Variants in GRAMD1C observed in about 807,000 individuals in gnomAD.
The protein encoded by GRAMD1C is GRAM domain containing 1C.
A neutral mutation model predicts 97.8 loss-of-function variants in GRAMD1C; 89 were observed. The ratio of observed to expected loss-of-function variants is 0.91; its 90% CI spans 0.77 to 1.09. The LOEUF is 1.09. Among genes scored for constraint, GRAMD1C ranks in the 50% least tolerant of loss-of-function variants. The pLI, the probability that GRAMD1C is intolerant of heterozygous loss-of-function variation, is 0.00. For synonymous variants in GRAMD1C, 256 were observed against 267.0 expected (o/e 0.96, Z 0.40); for missense variants, 740 against 766.4 (o/e 0.97, Z 0.41).
At chr3:113,894,503 G>C (rs1265215733) in intron 6 of GRAMD1C, among the ~76,000 whole-genome samples, 2 of 151,924 alleles carry the variant, frequency 1.3e-5, no homozygotes, top group Non-Finnish European at 2.9e-5. Flanking sequence ...GGTCTCGAAC[G>C]CCTGACCTCA....
At chr3:113,891,041 A>C (rs558811423) in intron 6 of GRAMD1C, 1 of 345,686 alleles carries the variant, frequency 2.9e-6, no homozygotes, top group South Asian at 8.2e-5. Flanking sequence ...CCATTTTCAC[A>C]GTAGTTATAC....
intron 10 of GRAMD1C, among the ~76,000 whole-genome samples, chr3:113,921,429 C>T (rs566217111): frequency 8.5e-5 from 13 of 152,316 alleles, no homozygotes; most frequent in African/African-American, 3.1e-4. Context: ...TATACTTGTG[C>T]ATGTGTCTTT....
intron 1 of GRAMD1C, among the ~76,000 whole-genome samples, chr3:113,843,061 T>TTG (rs1933430790): frequency 7.0e-6 from 1 of 142,600 alleles, no homozygotes; most frequent in African/African-American, 2.6e-5. Flanking sequence ...TTTTTTTTTT[T>TTG]TTTTTTTTTT....
Position 113,906,689 on chromosome 3 carries a change from G to A in GRAMD1C, c.790-2269G>A, listed in dbSNP as rs567827158. 7.3e-4 allele frequency among the ~76,000 whole-genome samples: 111 copies of A among 151,972 alleles called. No individual in the cohort carries two copies. In the South Asian group the frequency reaches 0.012, roughly 17 times the overall value. On this transcript the variant is annotated intron_variant, in intron 8 of 17. Coordinates refer to ENST00000358160, the MANE Select transcript of GRAMD1C (RefSeq NM_017577.5). ...TAAATCTATTGTAGCCTAAGTGTAC[G>A]ATGTTTATAAAGTCTGCAGTAGTGT...
chr3:113,943,800 G>A (rs983433262), intron 17 of GRAMD1C, among the ~76,000 whole-genome samples: 1 of 152,308 alleles, frequency 6.6e-6, no homozygotes, highest in African/African-American at 2.4e-5. Context: ...TGTAGTCCCA[G>A]CTACTCGGGA....
At chr3:113,928,152 G>C (rs549858304) in intron 10 of GRAMD1C, among the ~76,000 whole-genome samples, 4 of 152,270 alleles carry the variant, frequency 2.6e-5, no homozygotes, top group Admixed American at 2.6e-4. Flanking sequence ...CCGCTGCCCA[G>C]CTTTGCTCCT....
rs149609680 is a variant in GRAMD1C at position 113,856,920 on chromosome 3, A to G, written c.174+12271A>G. ...TGTGGTACAATCTCGGCTCACTGCA[A>G]CCTCCATCTCCTGTGCTCAGAGATC... On this transcript the variant is annotated intron_variant, in intron 2 of 17. Coordinates refer to ENST00000358160, the MANE Select transcript of GRAMD1C (RefSeq NM_017577.5). Among the ~76,000 whole-genome samples the G allele has an allele frequency of 3.7e-3, 560 of 150,550 alleles. 18 individuals carry two copies. In the South Asian group the frequency reaches 0.058, roughly 16 times the overall value.
intron 10 of GRAMD1C, among the ~76,000 whole-genome samples, chr3:113,923,976 G>A (rs1483837295): frequency 6.6e-6 from 1 of 151,940 alleles, no homozygotes; most frequent in African/African-American, 2.4e-5. Context: ...TGTCTGTGCG[G>A]GGTTTTAATT....
At chr3:113,881,829 A>G (rs1935274948) in intron 5 of GRAMD1C, among the ~76,000 whole-genome samples, 1 of 152,216 alleles carries the variant, frequency 6.6e-6, no homozygotes, top group South Asian at 2.1e-4. Context: ...GATCCTGCAT[A>G]TATCTTCTTT....
chr3:113,944,011 C>G (rs1001613640), intron 17 of GRAMD1C, among the ~76,000 whole-genome samples: 1 of 152,238 alleles, frequency 6.6e-6, no homozygotes, highest in African/African-American at 2.4e-5. Flanking sequence ...CTCTTTCCTT[C>G]TCTATTACTC....
At chr3:113,928,274 G>A (rs544756135) in intron 10 of GRAMD1C, among the ~76,000 whole-genome samples, 7 of 151,892 alleles carry the variant, frequency 4.6e-5, no homozygotes, top group Non-Finnish European at 8.8e-5. Flanking sequence ...TTGTGAGAGC[G>A]GCACACACGA....
chr3:113,831,833 G>T (rs1186683464), intron 1 of GRAMD1C, among the ~76,000 whole-genome samples: 2 of 151,960 alleles, frequency 1.3e-5, no homozygotes, highest in Non-Finnish European at 2.9e-5. Context: ...GTTCTCATGG[G>T]TCTCTTTTGA....
intron 2 of GRAMD1C, among the ~76,000 whole-genome samples, chr3:113,855,066 A>G (rs1265987466): frequency 6.6e-6 from 1 of 151,896 alleles, no homozygotes; most frequent in African/African-American, 2.4e-5. Flanking sequence ...AATCCCAGCA[A>G]TTTGGGGGGC....
chr3:113,889,698 T>C (rs1235745810), intron 6 of GRAMD1C, among the ~76,000 whole-genome samples: 1 of 151,810 alleles, frequency 6.6e-6, no homozygotes, highest in African/African-American at 2.4e-5. Context: ...TAGAGTGCAA[T>C]GGCGATCTCG....
At chr3:113,861,201 C>G (rs1001888036) in intron 2 of GRAMD1C, among the ~76,000 whole-genome samples, 2 of 152,114 alleles carry the variant, frequency 1.3e-5, no homozygotes, top group East Asian at 1.9e-4. Context: ...TGAAATTTAT[C>G]ATAGACTTAC....
intron 6 of GRAMD1C, chr3:113,897,360 A>C (rs1416274219): frequency 6.3e-6 from 1 of 159,244 alleles, no homozygotes; most frequent in Non-Finnish European, 1.3e-5. Flanking sequence ...AGATGTTTTT[A>C]CTTTCATTTT....
chr3:113,836,733 T>A (rs922085577), upstream of GRAMD1C, among the ~76,000 whole-genome samples: 2 of 151,818 alleles, frequency 1.3e-5, no homozygotes, highest in African/African-American at 4.8e-5. Flanking sequence ...AGCCTCCACT[T>A]TCCAGGTTCA....
intron 17 of GRAMD1C, 75 bp downstream of exon 17, chr3:113,940,420 G>A (rs1937715058): frequency 1.2e-6 from 1 of 834,086 alleles, no homozygotes; most frequent in Non-Finnish European, 2.0e-6. Flanking sequence ...GTGTATGAGA[G>A]AATATTTACC....
chr3:113,855,586 T>C (rs148872168), intron 2 of GRAMD1C, among the ~76,000 whole-genome samples: 3,589 of 151,676 alleles, frequency 0.024, 140 homozygotes, highest in African/African-American at 0.08. Flanking sequence ...GCGCCTGTAA[T>C]CCCAGCTACT....
Sources: gnomAD v4.1 joint callset for allele counts (sites outside exome capture counted in the v4.1 genomes callset) on GRCh38, gnomAD v4.1.1 for gene constraint, MANE v1.5 for transcripts, NCBI Gene and HGNC (gene_info 2026-07-23, HGNC 2026-07-21) for gene names.